The following ZNF486 variants were observed in gnomAD, a reference collection of about 807,000 sequenced individuals.
ZNF486 encodes KRAB box only protein 2.
ZNF486 carries 12 observed loss-of-function variants against 12.8 expected under a neutral mutation model. The observed-to-expected ratio is 0.94, with a 90% CI of 0.60 to 1.52. The LOEUF (loss-of-function observed/expected upper bound fraction) is 1.52. ZNF486 is among the 40% of genes most tolerant of loss of function. The pLI is 0.00. For missense variants in ZNF486, 738 were observed against 545.0 expected (o/e 1.35, Z -3.53); for synonymous variants, 231 against 184.9 (o/e 1.25, Z -2.02).
In ZNF486 at chr19:20,200,153, C is replaced by G. The variant is rs540964706; in HGVS notation, c.*2051C>G. 2.0e-5 allele frequency: 3 copies of G among 152,000 alleles called. No individual in the cohort carries two copies. Among genetic ancestry groups the G allele is most frequent in the East Asian group, 1.9e-4 (1 of 5,178 alleles). The allele number at this position is 152,000 out of a possible 1,614,324, so 9.4% of individuals were successfully genotyped here. On this transcript the variant is annotated 3_prime_UTR_variant, in exon 4 of 4. Coordinates refer to ENST00000335117, the MANE Select transcript of ZNF486 (RefSeq NM_052852.4). ...ATGACATAATACAGCTTTCAAATTA[C>G]TTTATGCTGTTATTTTATTCTTATT...
At chr19:20,189,648 A>C (rs987152337) in intron 3 of ZNF486, among the ~76,000 whole-genome samples, 1 of 152,000 alleles carries the variant, frequency 6.6e-6, no homozygotes, top group African/African-American at 2.4e-5. Flanking sequence ...TTGATGAAAA[A>C]TCTTTTTGTT....
chr19:20,192,619 T>C (rs1452970222), intron 3 of ZNF486, among the ~76,000 whole-genome samples: 3 of 152,212 alleles, frequency 2.0e-5, no homozygotes, highest in African/African-American at 7.2e-5. Context: ...CATTTAACTT[T>C]GAGATAGGGT....
chr19:20,167,362 T>C lies in ZNF486; in HGVS notation c.30+2T>C, dbSNP rs782700055. 2 of 1,613,552 alleles carry C rather than the reference T, an allele frequency of 1.2e-6. No individual in the cohort carries two copies. The highest frequency in any genetic ancestry group is 2.2e-5 in the East Asian group (1 of 44,874). On this transcript the variant is annotated splice_donor_variant, in intron 1 of 3. Transcript: ENST00000335117. LOFTEE classifies it high-confidence loss of function. The stretch of plus-strand genomic sequence containing the variant: ...GGACCCCTTAGAAGCCTAGAAATGG[T>C]GAGAGTGCCCATTGGACATCCTGAG...
In ZNF486 at chr19:20,192,749, C is replaced by T. The variant is rs575260904; in HGVS notation, c.254-4215C>T. Among the ~76,000 whole-genome samples the T allele has an allele frequency of 2.6e-5, 4 of 152,312 alleles. No individual in the cohort carries two copies. In the East Asian group the frequency reaches 7.7e-4, roughly 29 times the overall value. ...GGTTACAAGTATGTGTCATCATAGC[C>T]ATCTATGTTTTTTGTATTTTTTGTA... On this transcript the variant is annotated intron_variant, in intron 3 of 3. Coordinates refer to ENST00000335117, the MANE Select transcript of ZNF486 (RefSeq NM_052852.4).
intron 1 of ZNF486, among the ~76,000 whole-genome samples, chr19:20,179,077 A>T (rs1481386947): frequency 7.2e-5 from 11 of 152,252 alleles, no homozygotes; most frequent in Admixed American, 1.3e-4. Flanking sequence ...TTGTCTAAAT[A>T]AAGCAGGTTC....
At chr19:20,187,364 C>G (rs2089859150) in intron 3 of ZNF486, among the ~76,000 whole-genome samples, 1 of 152,000 alleles carries the variant, frequency 6.6e-6, no homozygotes. Flanking sequence ...TCTTTAATTT[C>G]AATGGATTTT....
At chr19:20,193,297 T>C (rs892806938) in intron 3 of ZNF486, among the ~76,000 whole-genome samples, 2 of 148,896 alleles carry the variant, frequency 1.3e-5, no homozygotes, top group African/African-American at 2.5e-5. Flanking sequence ...TTATGTACCA[T>C]CTTTTTTTTT....
At chr19:20,185,404 G>GTTTTTTTTTTTT (rs782413355) in intron 2 of ZNF486, among the ~76,000 whole-genome samples, 382 of 69,576 alleles carry the variant, frequency 5.5e-3, no homozygotes, top group Non-Finnish European at 7.2e-3. Flanking sequence ...TATTGTTTAT[G>GTTTTTTTTTTTT]TTTTTTTTTT....
chr19:20,175,174 G>A (rs2089691860), intron 1 of ZNF486: 1 of 152,162 alleles, frequency 6.6e-6, no homozygotes, highest in Admixed American at 6.5e-5. Context: ...CTTGCTGAGA[G>A]TAGCTGTGCG....
intron 3 of ZNF486, among the ~76,000 whole-genome samples, chr19:20,193,977 TTCA>T (rs1364005448): frequency 6.6e-6 from 1 of 152,218 alleles, no homozygotes; most frequent in Non-Finnish European, 1.5e-5. Flanking sequence ...ACTGAAATTC[TTCA>T]TCATTACATT....
intron 1 of ZNF486, among the ~76,000 whole-genome samples, chr19:20,178,711 A>T (rs532724517): frequency 1.2e-4 from 19 of 152,360 alleles, no homozygotes; most frequent in East Asian, 1.9e-4. Flanking sequence ...ATATGCAGGC[A>T]GAATTGTGTC....
At chr19:20,174,867 A>T (rs1361482906) in intron 1 of ZNF486, 2 of 152,194 alleles carry the variant, frequency 1.3e-5, no homozygotes, top group African/African-American at 4.8e-5. Flanking sequence ...AGTGTCTTTT[A>T]TTTCATTAAA....
rs781888160 is a variant in ZNF486, at chr19:20,197,709, A to T, written c.999A>T (p.Ser333=). The T allele has an allele frequency of 1.9e-6, 3 of 1,612,848 alleles. No individual in the cohort carries two copies. Among genetic ancestry groups the T allele is most frequent in the Non-Finnish European group, 2.5e-6 (3 of 1,179,666 alleles). ...TCDKCGKAFI[S]SSILSKHEKI... Reference sequence around the variant, plus strand: ...ATAAATGTGGCAAAGCCTTTATTTCATCCTCGATCCTTAGTAAACATGAGA... The same window carrying T: ...ATAAATGTGGCAAAGCCTTTATTTCTTCCTCGATCCTTAGTAAACATGAGA... The change falls in exon 4 of 4, where the codon TCA becomes TCT. Residue 333 remains serine, a synonymous_variant. Transcript: ENST00000335117.
chr19:20,191,428 C>T (rs1168397652), intron 3 of ZNF486, among the ~76,000 whole-genome samples: 1 of 140,894 alleles, frequency 7.1e-6, no homozygotes, highest in Non-Finnish European at 1.5e-5. Flanking sequence ...GATTGCTCTA[C>T]TGCACTCCAG....
chr19:20,181,455 C>T (rs543625376), intron 1 of ZNF486, among the ~76,000 whole-genome samples: 7 of 150,980 alleles, frequency 4.6e-5, no homozygotes, highest in South Asian at 2.1e-4. Flanking sequence ...AGGAGAATGG[C>T]GTGAACCCAG....
chr19:20,195,038 T>G (rs1365203648), intron 3 of ZNF486, among the ~76,000 whole-genome samples: 1 of 152,248 alleles, frequency 6.6e-6, no homozygotes, highest in African/African-American at 2.4e-5. Context: ...TACAGAGTCT[T>G]TTTCTGTCAC....
chr19:20,167,302 C>G lies in ZNF486; in HGVS notation c.-29C>G, dbSNP rs113402417. 2.5e-6 allele frequency: 4 copies of G among 1,614,026 alleles called. No individual in the cohort carries two copies. The highest frequency in any genetic ancestry group is 3.4e-6 in the Non-Finnish European group (4 of 1,179,930). On this transcript the variant is annotated 5_prime_UTR_variant, in exon 1 of 4. Transcript: ENST00000335117. ...GGCCCACCCTCTGTGGCCCTGTGTC[C>G]TGTAGGTATTGGGAGATCCACAGCC...
At chr19:20,168,054 T>C (rs913207218) in intron 1 of ZNF486, among the ~76,000 whole-genome samples, 1 of 152,066 alleles carries the variant, frequency 6.6e-6, no homozygotes, top group Non-Finnish European at 1.5e-5. Flanking sequence ...AAACAAAAAC[T>C]ACGTTGGGGT....
At chr19:20,187,370 A>AT (rs1417053464) in intron 3 of ZNF486, among the ~76,000 whole-genome samples, 20 of 151,900 alleles carry the variant, frequency 1.3e-4, no homozygotes, top group Admixed American at 2.6e-4. Context: ...ATTTCAATGG[A>AT]TTTTTTTATT....
Sources: gnomAD v4.1 joint callset for allele counts (sites outside exome capture counted in the v4.1 genomes callset) on GRCh38, gnomAD v4.1.1 for gene constraint, MANE v1.5 for transcripts, NCBI Gene and HGNC (gene_info 2026-07-23, HGNC 2026-07-21) for gene names.